ADGRL3: variants seen among roughly 807,000 people sequenced by gnomAD.
ADGRL3 encodes calcium-independent alpha-latrotoxin receptor 3.
ADGRL3 carries 62 observed loss-of-function variants against 153.5 expected under a neutral mutation model. The observed-to-expected ratio is 0.40, with a 90% CI of 0.33 to 0.50. ADGRL3 has a LOEUF of 0.50. Ranked by LOEUF, ADGRL3 falls within the 20% of genes least tolerant of loss-of-function variation. ADGRL3 has a pLI of 0.47. For synonymous variants in ADGRL3, 710 were observed against 672.5 expected (o/e 1.06, Z -0.86); for missense variants, 1,641 against 1,859.4 (o/e 0.88, Z 2.16).
rs201577377 is a variant in ADGRL3, at chr4:61,350,079, CT to C, written c.-239-33043del. ...TAATTTCCCAAATATATATTGAACACTTACTAAGGACTAGGTGATGTAGATG... is the reference window on the plus strand; with the variant it reads ...TAATTTCCCAAATATATATTGAACACTACTAAGGACTAGGTGATGTAGATG... On this transcript the variant is annotated intron_variant, in intron 1 of 26. Transcript: ENST00000683033. Among the ~76,000 whole-genome samples the C allele has an allele frequency of 5.7e-3, 874 of 152,144 alleles. 10 individuals are homozygous for C. The highest frequency in any genetic ancestry group is 0.019 in the African/African-American group (806 of 41,526).
chr4:61,652,306 A>T (rs2094288987), intron 5 of ADGRL3, among the ~76,000 whole-genome samples: 1 of 152,180 alleles, frequency 6.6e-6, no homozygotes, highest in African/African-American at 2.4e-5. Flanking sequence ...GAATTTTAGC[A>T]TTACTTTTAC....
intron 8 of ADGRL3, among the ~76,000 whole-genome samples, chr4:61,733,820 GGTTA>G (rs1229133775): frequency 1.3e-5 from 2 of 152,146 alleles, no homozygotes; most frequent in African/African-American, 4.8e-5. Flanking sequence ...ATTTTCAACA[GGTTA>G]GTTCTTTGTG....
intron 8 of ADGRL3, among the ~76,000 whole-genome samples, chr4:61,768,127 T>A (rs1169748839): frequency 1.3e-5 from 2 of 152,112 alleles, no homozygotes; most frequent in African/African-American, 2.4e-5. Flanking sequence ...AAACGCTATC[T>A]GATTTGGGAT....
chr4:61,739,224 G>GT lies in ADGRL3; in HGVS notation c.1399+5678dup, dbSNP rs897404865. Among the ~76,000 whole-genome samples, 23 of 151,758 alleles carry GT rather than the reference G, an allele frequency of 1.5e-4. 1 individual carries two copies. The highest frequency in any genetic ancestry group is 2.5e-4 in the Non-Finnish European group (17 of 67,886). On this transcript the variant is annotated intron_variant, in intron 8 of 26. Transcript: ENST00000683033. ...AAGCATCTCTAATTTTTTATAAAAAGTTTTTTTTGGAACTAAGTAGACTTT... is the reference window on the plus strand; with the variant it reads ...AAGCATCTCTAATTTTTTATAAAAAGTTTTTTTTTGGAACTAAGTAGACTTT...
At chr4:61,729,332 A>G (rs928587187) in intron 6 of ADGRL3, among the ~76,000 whole-genome samples, 1 of 151,910 alleles carries the variant, frequency 6.6e-6, no homozygotes, top group African/African-American at 2.4e-5. Context: ...CCTTGGTGAG[A>G]TTGAGGAATA....
At chr4:61,768,325 G>A (rs1367044332) in intron 8 of ADGRL3, among the ~76,000 whole-genome samples, 2 of 151,998 alleles carry the variant, frequency 1.3e-5, no homozygotes, top group African/African-American at 4.8e-5. Flanking sequence ...TTGGGGCCTA[G>A]CTTGGCCTGT....
intron 2 of ADGRL3, among the ~76,000 whole-genome samples, chr4:61,472,382 G>A (rs2097969383): frequency 6.6e-6 from 1 of 152,062 alleles, no homozygotes; most frequent in Admixed American, 6.6e-5. Flanking sequence ...CAGTAAAACT[G>A]TTGGCCAGGG....
rs1578031796 is a variant in ADGRL3 at position 61,263,739 on chromosome 4, A to G, written c.-240+61974A>G. On this transcript the variant is annotated intron_variant, in intron 1 of 26. Coordinates refer to ENST00000683033, the MANE Select transcript of ADGRL3 (RefSeq NM_001387552.1). ...TGGGCACTTGCTTCTCAAATGAATC[A>G]AAAAGAGTTTCCAGGACCAGGGAGA... Among the ~76,000 whole-genome samples, 3 of 152,026 alleles carry G rather than the reference A, an allele frequency of 2.0e-5. No individual in the cohort carries two copies. The East Asian group carries it at 5.8e-4, about 29-fold the overall frequency.
intron 2 of ADGRL3, among the ~76,000 whole-genome samples, chr4:61,419,090 CAT>C (rs1465661130): frequency 6.6e-6 from 1 of 150,546 alleles, no homozygotes; most frequent in Non-Finnish European, 1.5e-5. Context: ...CAATTTAAAA[CAT>C]GTAGGTAGAT....
Position 61,909,590 on chromosome 4 carries a change from G to A in ADGRL3, c.1918G>A (p.Ala640Thr). ...ATCTGGTGAAACAGCTGCCAACATT[G>A]CTAGAGAGCTGGCTGAACAGACAAG... Reference protein sequence around the residue: ...LKSGETAANIARELAEQTRNH... With the variant: ...LKSGETAANITRELAEQTRNH... Residue 640 changes from alanine (A) to threonine (T), a missense_variant, in exon 12 of 27, where the codon GCT becomes ACT. Transcript: ENST00000683033. 14 of 1,613,342 alleles carry A rather than the reference G, an allele frequency of 8.7e-6. No individual in the cohort carries two copies. Among genetic ancestry groups the A allele is most frequent in the Non-Finnish European group, 1.2e-5 (14 of 1,179,568 alleles).
At chr4:61,349,755 A>G (rs998962852) in intron 1 of ADGRL3, among the ~76,000 whole-genome samples, 4 of 152,106 alleles carry the variant, frequency 2.6e-5, no homozygotes, top group African/African-American at 9.7e-5. Context: ...TTATTTTTCC[A>G]TTAAACTGCG....
At chr4:61,581,602 C>T (rs2098925790) in intron 4 of ADGRL3, among the ~76,000 whole-genome samples, 1 of 152,026 alleles carries the variant, frequency 6.6e-6, no homozygotes, top group Non-Finnish European at 1.5e-5. Context: ...AAATGGACCT[C>T]TTTAACTATC....
chr4:61,820,425 G>C (rs1201729335), intron 9 of ADGRL3, among the ~76,000 whole-genome samples: 1 of 151,748 alleles, frequency 6.6e-6, no homozygotes, highest in Non-Finnish European at 1.5e-5. Context: ...TAATTAACTA[G>C]AGCTGCCACT....
At chr4:62,054,605 A>G (rs1736012692) in intron 25 of ADGRL3, among the ~76,000 whole-genome samples, 1 of 151,662 alleles carries the variant, frequency 6.6e-6, no homozygotes, top group Admixed American at 6.6e-5. Flanking sequence ...GGGAGTTTTT[A>G]AAAACAAAAT....
At chr4:62,002,321 A>G (rs2151111707) in intron 21 of ADGRL3, among the ~76,000 whole-genome samples, 1 of 149,018 alleles carries the variant, frequency 6.7e-6, no homozygotes, top group East Asian at 2.0e-4. Context: ...CCTTCTAGAT[A>G]TGCTCTCTTT....
chr4:61,502,128 T>C (rs2098392671), intron 3 of ADGRL3, among the ~76,000 whole-genome samples: 1 of 152,072 alleles, frequency 6.6e-6, no homozygotes, highest in Non-Finnish European at 1.5e-5. Context: ...AATAAGGAAA[T>C]TGGAGAGCAA....
intron 2 of ADGRL3, among the ~76,000 whole-genome samples, chr4:61,418,035 T>C (rs971494619): frequency 6.6e-6 from 1 of 152,196 alleles, no homozygotes; most frequent in Non-Finnish European, 1.5e-5. Context: ...GAACTCTTTT[T>C]CTACTGTCCT....
intron 8 of ADGRL3, 135 bp from the exon 9 acceptor site, chr4:61,813,674 G>A: frequency 1.1e-6 from 1 of 882,350 alleles, no homozygotes. Context: ...TTTTATGTTT[G>A]GGCAGATATG....
chr4:61,202,745 G>GGT lies in ADGRL3; in HGVS notation c.-240+991_-240+992dup, dbSNP rs887248287. On this transcript the variant is annotated intron_variant, in intron 1 of 26. Transcript: ENST00000683033. The surrounding 1 kb of genome is among the most constrained non-coding windows in gnomAD (Gnocchi z 5.0). ...TGCCAGGCCCCCAGCACTATAGGTG[G>GGT]GTGTGTGTGTGTCTGTGCGTGTGTG... Among the ~76,000 whole-genome samples, 7 of 152,158 alleles carry GGT rather than the reference G, an allele frequency of 4.6e-5. No individual in the cohort carries two copies. Among genetic ancestry groups the GGT allele is most frequent in the East Asian group, 3.9e-4 (2 of 5,166 alleles).
Sources: gnomAD v4.1 joint callset for allele counts (sites outside exome capture counted in the v4.1 genomes callset) on GRCh38, gnomAD v4.1.1 for gene constraint, Gnocchi (gnomAD v3.1) non-coding constraint, MANE v1.5 for transcripts, NCBI Gene and HGNC (gene_info 2026-07-23, HGNC 2026-07-21) for gene names.